PPM1H: variants seen among roughly 807,000 people sequenced by gnomAD.
PPM1H encodes protein phosphatase 1H.
In PPM1H, 27 loss-of-function variants were observed where a neutral mutation model predicts 54.9. The observed-to-expected ratio is 0.49, with a 90% CI of 0.36 to 0.68. The LOEUF (loss-of-function observed/expected upper bound fraction) is 0.68. Among genes scored for constraint, PPM1H ranks in the 30% least tolerant of loss-of-function variants. The pLI is 0.00. For synonymous variants in PPM1H, 305 were observed against 270.8 expected, an observed-to-expected ratio of 1.13 and a Z score of -1.24; for missense variants, 596 against 667.8, an observed-to-expected ratio of 0.89 and a Z score of 1.19.
chr12:62,668,077 C>A (rs1447041876), intron 8 of PPM1H, among the ~76,000 whole-genome samples: 2 of 152,114 alleles, frequency 1.3e-5, no homozygotes, highest in Non-Finnish European at 2.9e-5. Flanking sequence ...ATGTCTAGTA[C>A]CTTAAATGAC....
intron 5 of PPM1H, among the ~76,000 whole-genome samples, chr12:62,722,981 A>C (rs187284953): frequency 6.6e-6 from 1 of 152,302 alleles, no homozygotes; most frequent in Non-Finnish European, 1.5e-5. Flanking sequence ...TGTAACCTGA[A>C]AATATTGTAA....
chr12:62,770,507 G>A (rs2076572418), intron 4 of PPM1H, among the ~76,000 whole-genome samples: 1 of 151,882 alleles, frequency 6.6e-6, no homozygotes, highest in South Asian at 2.1e-4. Flanking sequence ...TCTGTTGTAA[G>A]GTCTCATTTA....
chr12:62,660,428 G>C (rs1450050663), intron 9 of PPM1H, among the ~76,000 whole-genome samples: 1 of 152,120 alleles, frequency 6.6e-6, no homozygotes, highest in Admixed American at 6.5e-5. Context: ...CACACTTCCT[G>C]ACTTTAAAAT....
At chr12:62,687,825 A>G (rs10877909) in intron 8 of PPM1H, among the ~76,000 whole-genome samples, 10,350 of 152,042 alleles carry the variant, frequency 0.068, 880 homozygotes, top group East Asian at 0.2. Context: ...CCTGGCCAAC[A>G]TGGTGAAACC....
chr12:62,857,659 A>C (rs2120957724), intron 1 of PPM1H, among the ~76,000 whole-genome samples: 2 of 152,170 alleles, frequency 1.3e-5, no homozygotes, highest in East Asian at 3.9e-4. Context: ...CAAGTTTTTA[A>C]ATTTTATTTA....
At chr12:62,666,318 C>T (rs1215736218) in intron 9 of PPM1H, among the ~76,000 whole-genome samples, 1 of 152,076 alleles carries the variant, frequency 6.6e-6, no homozygotes, top group Non-Finnish European at 1.5e-5. Flanking sequence ...CTCTGTTATT[C>T]CTGCTGGCTT....
At chr12:62,775,050 G>A (rs1162406207) in intron 4 of PPM1H, among the ~76,000 whole-genome samples, 1 of 152,214 alleles carries the variant, frequency 6.6e-6, no homozygotes, top group Non-Finnish European at 1.5e-5. Context: ...GAGAATAGGG[G>A]CCCTGCAACT....
At chr12:62,788,649 CT>C (rs2076687109) in intron 3 of PPM1H, among the ~76,000 whole-genome samples, 3 of 152,202 alleles carry the variant, frequency 2.0e-5, no homozygotes. Context: ...AAAATTTAGT[CT>C]TTGTGGATTG....
chr12:62,887,743 C>T (rs1270752734), intron 1 of PPM1H, among the ~76,000 whole-genome samples: 1 of 152,110 alleles, frequency 6.6e-6, no homozygotes, highest in Non-Finnish European at 1.5e-5. Flanking sequence ...TAGACTTGTA[C>T]TAAATATAGG....
At chr12:62,813,252 T>C (rs1367002019) in intron 2 of PPM1H, among the ~76,000 whole-genome samples, 1 of 152,228 alleles carries the variant, frequency 6.6e-6, no homozygotes, top group Admixed American at 6.5e-5. Context: ...TGCCTTCCTT[T>C]ACTCACTGCA....
chr12:62,717,200 T>C (rs1206106640), intron 6 of PPM1H, among the ~76,000 whole-genome samples: 1 of 152,196 alleles, frequency 6.6e-6, no homozygotes, highest in African/African-American at 2.4e-5. Flanking sequence ...TTCTTCAACT[T>C]AAGTCCTATT....
At chr12:62,847,160 A>G (rs1052078017) in intron 1 of PPM1H, among the ~76,000 whole-genome samples, 32 of 152,318 alleles carry the variant, frequency 2.1e-4, no homozygotes, top group African/African-American at 7.7e-4. Flanking sequence ...AGAAGGCAAG[A>G]AGGGGAAGAG....
chr12:62,774,599 C>A (rs1244203832), intron 4 of PPM1H, among the ~76,000 whole-genome samples: 1 of 152,166 alleles, frequency 6.6e-6, no homozygotes, highest in Non-Finnish European at 1.5e-5. Flanking sequence ...GCTTCAGCCT[C>A]CCAAAGTGGT....
chr12:62,659,518 G>C (rs2075870343), intron 9 of PPM1H, among the ~76,000 whole-genome samples: 1 of 152,132 alleles, frequency 6.6e-6, no homozygotes, highest in Non-Finnish European at 1.5e-5. Flanking sequence ...ATTCTGGAGG[G>C]GGAGATGCTA....
At chr12:62,884,537 A>G (rs976557655) in intron 1 of PPM1H, among the ~76,000 whole-genome samples, 5 of 150,264 alleles carry the variant, frequency 3.3e-5, no homozygotes, top group African/African-American at 1.2e-4. Flanking sequence ...GAAAGAGAGA[A>G]AAGAAAAAAA....
At chr12:62,920,206 T>A (rs1871749325) in intron 1 of PPM1H, among the ~76,000 whole-genome samples, 1 of 152,242 alleles carries the variant, frequency 6.6e-6, no homozygotes, top group South Asian at 2.1e-4. Flanking sequence ...CCTAAAAGGC[T>A]GATAAAATTA....
At chr12:62,814,096 A>C (rs1467810732) in intron 2 of PPM1H, among the ~76,000 whole-genome samples, 1 of 152,104 alleles carries the variant, frequency 6.6e-6, no homozygotes, top group African/African-American at 2.4e-5. Context: ...TTTTTTTTCT[A>C]AGAGACAAGG....
At chr12:62,888,524 C>G (rs1363503248) in intron 1 of PPM1H, among the ~76,000 whole-genome samples, 2 of 152,022 alleles carry the variant, frequency 1.3e-5, no homozygotes, top group Non-Finnish European at 2.9e-5. Flanking sequence ...CCCAGGAAGA[C>G]AGAAGAAAAC....
intron 1 of PPM1H, among the ~76,000 whole-genome samples, chr12:62,865,880 A>G (rs1869757055): frequency 6.6e-6 from 1 of 152,234 alleles, no homozygotes; most frequent in Non-Finnish European, 1.5e-5. Flanking sequence ...TATAAGACCC[A>G]GTTAAACACC....
Sources: allele counts gnomAD v4.1 joint callset (sites outside exome capture counted in the v4.1 genomes callset), GRCh38; gene constraint gnomAD v4.1.1; transcripts MANE v1.5; gene names NCBI Gene and HGNC (gene_info 2026-07-23, HGNC 2026-07-21).